Variants in NOX4 observed in about 807,000 individuals in gnomAD.
The protein encoded by NOX4 is NADPH oxidase 4, also known as kidney oxidase-1.
Under a neutral mutation model 87.6 loss-of-function variants are expected in NOX4, and 69 were observed. The observed-to-expected ratio is 0.79, with a 90% confidence interval of 0.65 to 0.96. The LOEUF (loss-of-function observed/expected upper bound fraction) is 0.96, where lower values mean the gene tolerates loss of function less well. NOX4 is among the 40% of genes least tolerant of loss of function. The probability of loss-of-function intolerance (pLI) is 0.00; values close to 1 mark genes in which losing one functional copy is unlikely to be tolerated. For missense variants in NOX4, 680 were observed against 681.5 expected (o/e 1.00, Z 0.02); for synonymous variants, 275 against 238.2 (o/e 1.15, Z -1.42).
At chr11:89,447,633 C>T (rs898974101) in intron 4 of NOX4, among the ~76,000 whole-genome samples, 7 of 152,192 alleles carry the variant, frequency 4.6e-5, no homozygotes, top group Non-Finnish European at 1.0e-4. Flanking sequence ...TGCAAACCCT[C>T]TGGAACACAA....
intron 7 of NOX4, 95 bp from the exon 8 acceptor site, chr11:89,422,077 T>A (rs971336813): frequency 1.1e-5 from 7 of 652,000 alleles, no homozygotes; most frequent in African/African-American, 3.8e-5. Flanking sequence ...CATCTCACAA[T>A]TTAAAAAAGC....
Position 89,396,006 on chromosome 11 carries a change from G to T in NOX4, c.1074+4011C>A, listed in dbSNP as rs553155408. 1.2e-3 allele frequency among the ~76,000 whole-genome samples: 179 copies of T among 152,084 alleles called. 1 individual carries two copies. The highest frequency in any genetic ancestry group is 4.0e-3 in the African/African-American group (166 of 41,512). ...ATACAGGCTCTTTTATGGTTCCATA[G>T]GAACTTTAAAGTAGTTTTTTCCAAT... On this transcript the variant is annotated intron_variant, in intron 11 of 17. Coordinates refer to ENST00000263317, the MANE Select transcript of NOX4 (RefSeq NM_016931.5).
At chr11:89,370,029 T>C (rs1939322484) in intron 12 of NOX4, among the ~76,000 whole-genome samples, 1 of 151,980 alleles carries the variant, frequency 6.6e-6, no homozygotes, top group Admixed American at 6.6e-5. Context: ...TACAGTGATA[T>C]AGAAACAAAT....
chr11:89,443,076 C>T (rs901058150), intron 5 of NOX4, among the ~76,000 whole-genome samples: 5 of 152,084 alleles, frequency 3.3e-5, no homozygotes, highest in African/African-American at 9.7e-5. Context: ...GTGCTGGATG[C>T]ACTCTACAAG....
intron 2 of NOX4, among the ~76,000 whole-genome samples, chr11:89,469,947 C>T (rs1184310750): frequency 1.9e-4 from 29 of 151,982 alleles, no homozygotes; most frequent in Non-Finnish European, 1.5e-5. Context: ...GAGCCAGGAT[C>T]AGCACTCATT....
At position 89,477,805 on chromosome 11, in the gene NOX4, G is replaced by A. The variant is rs969702100; in HGVS notation, c.153+12653C>T. Among the ~76,000 whole-genome samples, 4 of 152,082 alleles carry A rather than the reference G, an allele frequency of 2.6e-5. No individual in the cohort carries two copies. The East Asian group carries it at 7.7e-4, about 29-fold the overall frequency. On this transcript the variant is annotated intron_variant, in intron 2 of 17. Coordinates refer to ENST00000263317, the MANE Select transcript of NOX4 (RefSeq NM_016931.5). ...TTTTATAAAGGCCAAGAATTTGGGA[G>A]CTAAAATGTGGAAACCACAGCCAAT...
intron 17 of NOX4, among the ~76,000 whole-genome samples, chr11:89,332,421 A>T (rs1390089608): frequency 6.6e-6 from 1 of 151,930 alleles, no homozygotes; most frequent in Non-Finnish European, 1.5e-5. Flanking sequence ...TCACAGCTCA[A>T]AACAGGATAT....
At chr11:89,542,299 TTA>T in the NOX4 span, among the ~76,000 whole-genome samples, 2 of 152,356 alleles carry the variant, frequency 1.3e-5, no homozygotes, top group African/African-American at 4.8e-5. Context: ...ATTATATCTA[TTA>T]TATGTCTTCT....
chr11:89,418,356 T>C (rs1161856415), intron 8 of NOX4, among the ~76,000 whole-genome samples: 1 of 151,098 alleles, frequency 6.6e-6, no homozygotes, highest in African/African-American at 2.4e-5. Flanking sequence ...ACTGGAAATC[T>C]ACTTACTAGC....
At chr11:89,568,297 A>G in the NOX4 span, among the ~76,000 whole-genome samples, 2 of 152,214 alleles carry the variant, frequency 1.3e-5, no homozygotes, top group Middle Eastern at 3.2e-3. Context: ...TTAACGAAAC[A>G]AAAAGTGGGT....
the NOX4 span, among the ~76,000 whole-genome samples, chr11:89,539,130 T>TA: frequency 4.6e-5 from 7 of 151,874 alleles, no homozygotes; most frequent in Admixed American, 2.6e-4. Context: ...CAGTCACAAA[T>TA]AAAAAAAATA....
the NOX4 span, chr11:89,548,060 T>C: frequency 6.7e-6 from 1 of 148,314 alleles, no homozygotes; most frequent in Non-Finnish European, 1.5e-5. Flanking sequence ...CTAGATGAGA[T>C]GGAGGAAGAC....
chr11:89,375,951 G>A (rs1430497325), intron 11 of NOX4, among the ~76,000 whole-genome samples: 2 of 152,170 alleles, frequency 1.3e-5, no homozygotes, highest in African/African-American at 4.8e-5. Flanking sequence ...ATCTCATAAT[G>A]CATTCTAAAA....
chr11:89,504,666 A>G, the NOX4 span, among the ~76,000 whole-genome samples: 1 of 152,018 alleles, frequency 6.6e-6, no homozygotes, highest in Non-Finnish European at 1.5e-5. Context: ...TGTGAATTAT[A>G]CATCAGGATA....
intron 2 of NOX4, among the ~76,000 whole-genome samples, chr11:89,460,335 T>C (rs1199566004): frequency 6.6e-6 from 1 of 152,020 alleles, no homozygotes; most frequent in African/African-American, 2.4e-5. Context: ...CTAAAGAGCT[T>C]CTGCACAGCA....
chr11:89,355,230 GTATATA>G (rs772357142), intron 12 of NOX4, among the ~76,000 whole-genome samples, 187 bp from the exon 13 acceptor site: 2 of 149,110 alleles, frequency 1.3e-5, no homozygotes, highest in African/African-American at 4.9e-5. Context: ...GTGTGTGTGT[GTATATA>G]TATATAGATG....
the NOX4 span, among the ~76,000 whole-genome samples, chr11:89,550,965 G>A: frequency 9.9e-5 from 15 of 152,252 alleles, no homozygotes; most frequent in African/African-American, 3.4e-4. Context: ...TTTGTATAAG[G>A]TATAAAGAAG....
At chr11:89,382,861 T>C (rs1456526938) in intron 11 of NOX4, among the ~76,000 whole-genome samples, 1 of 152,060 alleles carries the variant, frequency 6.6e-6, no homozygotes, top group Admixed American at 6.5e-5. Context: ...TTTTTCTTTA[T>C]CCAACCTCTC....
At chr11:89,564,186 T>A in the NOX4 span, among the ~76,000 whole-genome samples, 15 of 152,314 alleles carry the variant, frequency 9.8e-5, no homozygotes, top group African/African-American at 2.9e-4. Flanking sequence ...ATTCTCACAA[T>A]GCTATAAAGA....
Sources: gnomAD v4.1 joint callset for allele counts (sites outside exome capture counted in the v4.1 genomes callset) on GRCh38, gnomAD v4.1.1 for gene constraint, MANE v1.5 for transcripts, NCBI Gene and HGNC (gene_info 2026-07-23, HGNC 2026-07-21) for gene names.